The following TUSC3 variants were observed in gnomAD, a reference collection of about 807,000 sequenced individuals.
TUSC3 encodes tumor suppressor candidate 3, also known as dolichyl-diphosphooligosaccharide--protein glycosyltransferase subunit TUSC3.
In TUSC3, 45 loss-of-function variants were observed where a neutral mutation model predicts 44.8. That is an observed-to-expected ratio of 1.00 (90% confidence interval 0.79 to 1.29). TUSC3 has a LOEUF of 1.29. Ranked by LOEUF, TUSC3 falls within the 50% of genes most tolerant of loss-of-function variation. TUSC3 has a pLI of 0.00. For synonymous variants in TUSC3, 212 were observed against 152.9 expected (o/e 1.39, Z -2.85); for missense variants, 519 against 437.9 (o/e 1.19, Z -1.65).
intron 1 of TUSC3, among the ~76,000 whole-genome samples, chr8:15,613,953 T>C (rs188588073): frequency 1.3e-5 from 2 of 152,074 alleles, no homozygotes; most frequent in East Asian, 3.9e-4. Context: ...TCACTCATTT[T>C]CCCTGTGTTA....
chr8:15,451,093 G>C (rs1260357630), intron 1 of TUSC3, among the ~76,000 whole-genome samples: 1 of 152,142 alleles, frequency 6.6e-6, no homozygotes, highest in Non-Finnish European at 1.5e-5. Flanking sequence ...GCTGGGTCAT[G>C]ACCCTGCATC....
chr8:15,491,550 C>T (rs1438064677), intron 2 of TUSC3, among the ~76,000 whole-genome samples: 4 of 152,100 alleles, frequency 2.6e-5, no homozygotes, highest in Non-Finnish European at 5.9e-5. Context: ...AGTTAAAAAC[C>T]TATTCTTTAA....
intron 2 of TUSC3, among the ~76,000 whole-genome samples, chr8:15,486,025 C>T (rs979638014): frequency 6.6e-6 from 1 of 152,102 alleles, no homozygotes; most frequent in Non-Finnish European, 1.5e-5. Flanking sequence ...AACTCCTGAC[C>T]TTAAGTGATC....
chr8:15,673,821 A>G lies in TUSC3; in HGVS notation c.783A>G (p.Pro261=). 1 of 1,612,370 alleles carries G rather than the reference A, an allele frequency of 6.2e-7. No homozygotes were observed. The highest frequency in any genetic ancestry group is 8.5e-7 in the Non-Finnish European group (1 of 1,178,766). Reference sequence around the variant, plus strand: ...GACCTCCATATGCTCATAAGAACCCACACAATGGACAAGTGGTAAGTGTAA... The same window carrying G: ...GACCTCCATATGCTCATAAGAACCCGCACAATGGACAAGTGGTAAGTGTAA... ...IRGPPYAHKN[P]HNGQVSYIHG... Residue 261 remains proline (P), a synonymous_variant, in exon 6 of 11, where the codon CCA becomes CCG. Transcript: ENST00000503731.
chr8:15,805,858 A>AT, the TUSC3 span, among the ~76,000 whole-genome samples: 3 of 152,126 alleles, frequency 2.0e-5, no homozygotes, highest in East Asian at 5.8e-4. Context: ...CTCCTCCTAG[A>AT]TTTTTTTGGA....
the TUSC3 span, among the ~76,000 whole-genome samples, chr8:15,817,737 A>G: frequency 6.6e-6 from 1 of 152,182 alleles, no homozygotes; most frequent in Non-Finnish European, 1.5e-5. Context: ...CCTTTCCTTT[A>G]TAAATTACCC....
At chr8:15,741,041 T>C (rs1361300017) in intron 7 of TUSC3, among the ~76,000 whole-genome samples, 1 of 152,166 alleles carries the variant, frequency 6.6e-6, no homozygotes, top group Non-Finnish European at 1.5e-5. Context: ...AAAAATGATA[T>C]GAAGATACAT....
intron 1 of TUSC3, among the ~76,000 whole-genome samples, chr8:15,421,930 T>TA (rs1360856156): frequency 2.0e-5 from 3 of 152,298 alleles, no homozygotes; most frequent in South Asian, 2.1e-4. Flanking sequence ...TGTTTTCTTT[T>TA]AAAAAATCAC....
intron 1 of TUSC3, among the ~76,000 whole-genome samples, chr8:15,463,796 A>G (rs200619180): frequency 6.6e-6 from 1 of 152,180 alleles, no homozygotes; most frequent in Non-Finnish European, 1.5e-5. Context: ...TGATTACACT[A>G]CTATAGCCAA....
At chr8:15,686,713 T>A (rs1437007722) in intron 6 of TUSC3, among the ~76,000 whole-genome samples, 1 of 152,178 alleles carries the variant, frequency 6.6e-6, no homozygotes, top group Non-Finnish European at 1.5e-5. Flanking sequence ...TCAGTAGCTT[T>A]ATTACAGTCT....
At chr8:15,510,434 T>C (rs1801117594) in intron 2 of TUSC3, among the ~76,000 whole-genome samples, 1 of 152,032 alleles carries the variant, frequency 6.6e-6, no homozygotes, top group African/African-American at 2.4e-5. Context: ...TTACAGGTGC[T>C]AAAGTGATAA....
chr8:15,491,919 A>G (rs998494487), intron 2 of TUSC3, among the ~76,000 whole-genome samples: 1 of 152,192 alleles, frequency 6.6e-6, no homozygotes, highest in Non-Finnish European at 1.5e-5. Context: ...TTTACTTTAT[A>G]TATTTACAAC....
the TUSC3 span, among the ~76,000 whole-genome samples, chr8:15,827,340 C>T: frequency 3.3e-5 from 5 of 152,146 alleles, no homozygotes; most frequent in Non-Finnish European, 7.3e-5. Context: ...AAATTATGTT[C>T]TACTGAACAC....
chr8:15,836,391 C>G, the TUSC3 span, among the ~76,000 whole-genome samples: 2 of 151,124 alleles, frequency 1.3e-5, no homozygotes, highest in Non-Finnish European at 2.9e-5. Context: ...GCAGCAGAAT[C>G]CCTTGAATCT....
the TUSC3 span, among the ~76,000 whole-genome samples, chr8:15,827,760 G>C: frequency 1.3e-5 from 2 of 152,124 alleles, no homozygotes; most frequent in Non-Finnish European, 2.9e-5. Context: ...GAGTCTCACT[G>C]ATAACTGATT....
chr8:15,839,416 G>C, the TUSC3 span, among the ~76,000 whole-genome samples: 30 of 152,124 alleles, frequency 2.0e-4, no homozygotes, highest in Non-Finnish European at 4.4e-4. Flanking sequence ...TGGTGAGTGA[G>C]GGCATCCCTG....
intron 5 of TUSC3, among the ~76,000 whole-genome samples, chr8:15,665,076 A>G (rs1807598446): frequency 6.6e-6 from 1 of 151,574 alleles, no homozygotes; most frequent in African/African-American, 2.4e-5. Flanking sequence ...GTCTGTTTAA[A>G]ATAACTAATA....
At chr8:15,447,580 T>C (rs1800123606) in intron 1 of TUSC3, among the ~76,000 whole-genome samples, 1 of 152,020 alleles carries the variant, frequency 6.6e-6, no homozygotes, top group African/African-American at 2.4e-5. Context: ...TACAAATTCA[T>C]GTTTAAAATA....
intron 2 of TUSC3, among the ~76,000 whole-genome samples, chr8:15,627,341 A>G (rs1026044925): frequency 1.3e-5 from 2 of 152,186 alleles, no homozygotes; most frequent in African/African-American, 4.8e-5. Flanking sequence ...GGCTATGGAG[A>G]GGAGCTGCCC....
Sources: allele counts gnomAD v4.1 joint callset (sites outside exome capture counted in the v4.1 genomes callset), GRCh38; gene constraint gnomAD v4.1.1; transcripts MANE v1.5; gene names NCBI Gene and HGNC (gene_info 2026-07-23, HGNC 2026-07-21).